The following WWOX variants were observed in gnomAD, a reference collection of about 807,000 sequenced individuals.
WWOX encodes the protein WW domain-containing oxidoreductase.
WWOX carries 69 observed loss-of-function variants against 46.2 expected under a neutral mutation model. That is an observed-to-expected ratio of 1.49 (90% CI 1.23 to 1.82). The LOEUF (loss-of-function observed/expected upper bound fraction) is 1.82. Among genes scored for constraint, WWOX ranks in the 40% most tolerant of loss-of-function variants. The probability of loss-of-function intolerance (pLI) is 0.00; values close to 1 mark genes in which losing one functional copy is unlikely to be tolerated. For missense variants in WWOX, 919 were observed against 542.6 expected, an observed-to-expected ratio of 1.69 and a Z score of -6.89; for synonymous variants, 359 against 202.6, an observed-to-expected ratio of 1.77 and a Z score of -6.56.
chr16:78,462,927 C>G (rs9673617), intron 8 of WWOX, among the ~76,000 whole-genome samples: 5,020 of 152,264 alleles, frequency 0.033, 283 homozygotes, highest in African/African-American at 0.11. Flanking sequence ...TTAGGACATA[C>G]TACAGTAACC....
Position 79,182,312 on chromosome 16 carries a change from T to G in WWOX, c.1057-29296T>G, listed in dbSNP as rs1432283812. On this transcript the variant is annotated intron_variant, in intron 8 of 8. Transcript: ENST00000566780. Reference sequence around the variant, plus strand: ...GCCCCATGATATACCAGCGCCATGTTGTCATCAAAACGACCGGAAATGCCT... The same window carrying G: ...GCCCCATGATATACCAGCGCCATGTGGTCATCAAAACGACCGGAAATGCCT... Among the ~76,000 whole-genome samples, 4 of 152,264 alleles carry G rather than the reference T, an allele frequency of 2.6e-5. No individual in the cohort carries two copies. In the East Asian group the frequency reaches 7.7e-4, roughly 29 times the overall value.
At chr16:78,360,607 A>T (rs1226491694) in intron 5 of WWOX, among the ~76,000 whole-genome samples, 1 of 117,260 alleles carries the variant, frequency 8.5e-6, no homozygotes, top group Non-Finnish European at 2.1e-5. Context: ...AAAGTTGCAG[A>T]AATAGCAATA....
At chr16:79,134,364 T>C (rs1349419495) in intron 8 of WWOX, among the ~76,000 whole-genome samples, 3 of 152,010 alleles carry the variant, frequency 2.0e-5, no homozygotes, top group Non-Finnish European at 2.9e-5. Context: ...AAGTACACTG[T>C]AAGGTTGCAA....
At chr16:78,495,145 C>CTTTTTTTTTTTTTTT (rs71140804) in intron 8 of WWOX, among the ~76,000 whole-genome samples, 15 of 116,584 alleles carry the variant, frequency 1.3e-4, no homozygotes, top group Admixed American at 2.2e-4. Flanking sequence ...CTGTTGTGTT[C>CTTTTTTTTTTTTTTT]TTTTTTTTTT....
chr16:78,529,493 G>A (rs2043566682), intron 8 of WWOX, among the ~76,000 whole-genome samples: 1 of 151,940 alleles, frequency 6.6e-6, no homozygotes, highest in Non-Finnish European at 1.5e-5. Flanking sequence ...TTGAGATGGA[G>A]TCTTGCACTG....
chr16:78,580,303 C>T (rs1159100740), intron 8 of WWOX, among the ~76,000 whole-genome samples: 1 of 151,964 alleles, frequency 6.6e-6, no homozygotes, highest in Admixed American at 6.6e-5. Context: ...CAAACTCCTG[C>T]AGTACAGTAT....
chr16:78,515,127 G>C (rs1159843452), intron 8 of WWOX, among the ~76,000 whole-genome samples: 1 of 152,162 alleles, frequency 6.6e-6, no homozygotes, highest in Non-Finnish European at 1.5e-5. Context: ...AGGAGGCTGA[G>C]GCAGGAGAAT....
Position 78,573,002 on chromosome 16 carries a change from T to G in WWOX, c.1056+140250T>G, listed in dbSNP as rs551054512. On this transcript the variant is annotated intron_variant, in intron 8 of 8. Transcript: ENST00000566780. Reference sequence around the variant, plus strand: ...CTTCCTGTAGTAAAAATTAAAAAAATTATAGCCGGGCACGGTGGCTCACGC... The same window carrying G: ...CTTCCTGTAGTAAAAATTAAAAAAAGTATAGCCGGGCACGGTGGCTCACGC... Among the ~76,000 whole-genome samples the G allele has an allele frequency of 2.0e-5, 3 of 152,256 alleles. No individual in the cohort carries two copies. In the South Asian group the frequency reaches 6.2e-4, roughly 32 times the overall value.
In WWOX at chr16:78,417,733, C is replaced by A. The variant is rs150359270; in HGVS notation, c.606-7137C>A. Among the ~76,000 whole-genome samples the A allele has an allele frequency of 8.1e-3, 1,227 of 152,274 alleles. 13 individuals are homozygous for A. The highest frequency in any genetic ancestry group is 0.015 in the South Asian group (74 of 4,822). On this transcript the variant is annotated intron_variant, in intron 6 of 8. Coordinates refer to ENST00000566780, the MANE Select transcript of WWOX (RefSeq NM_016373.4). Reference sequence around the variant, plus strand: ...TTGAAGCAGAGTCTAATGAGTGTTACAGGTAGGCTCGGTGCTTCAAAGGAT... The same window carrying A: ...TTGAAGCAGAGTCTAATGAGTGTTAAAGGTAGGCTCGGTGCTTCAAAGGAT...
intron 8 of WWOX, among the ~76,000 whole-genome samples, chr16:78,945,682 T>C (rs535467600): frequency 2.6e-5 from 4 of 152,316 alleles, no homozygotes; most frequent in African/African-American, 7.2e-5. Context: ...TCTTTGACTT[T>C]CCTTGTATGC....
chr16:79,061,798 A>G (rs536638179), intron 8 of WWOX, among the ~76,000 whole-genome samples: 1 of 152,322 alleles, frequency 6.6e-6, no homozygotes, highest in East Asian at 1.9e-4. Flanking sequence ...ATATGCCTCT[A>G]TGTCAGGCTC....
intron 8 of WWOX, chr16:78,506,568 C>T (rs890418182): frequency 6.6e-6 from 1 of 152,138 alleles, no homozygotes; most frequent in African/African-American, 2.4e-5. Flanking sequence ...ACAGAATCCC[C>T]TAAGTGGGAA....
At chr16:78,879,845 C>T (rs770633077) in intron 8 of WWOX, among the ~76,000 whole-genome samples, 1 of 150,538 alleles carries the variant, frequency 6.6e-6, no homozygotes, top group African/African-American at 2.5e-5. Context: ...TCATTGTACT[C>T]CAGCCTGGGC....
intron 8 of WWOX, among the ~76,000 whole-genome samples, chr16:78,492,810 AT>A (rs1243278133): frequency 6.6e-6 from 1 of 152,102 alleles, no homozygotes; most frequent in Non-Finnish European, 1.5e-5. Context: ...CTTTTGACAA[AT>A]TTCTGGGGGC....
chr16:78,767,482 C>CTGTG (rs3051061), intron 8 of WWOX, among the ~76,000 whole-genome samples: 2,016 of 143,090 alleles, frequency 0.014, 18 homozygotes, highest in African/African-American at 0.023. Context: ...GTGTGTGTGT[C>CTGTG]TGTGTGTGTG....
chr16:78,454,419 T>A (rs1254963735), intron 8 of WWOX, among the ~76,000 whole-genome samples: 1 of 152,164 alleles, frequency 6.6e-6, no homozygotes, highest in South Asian at 2.1e-4. Context: ...GAAATAAAAG[T>A]TTTACAAAAT....
At chr16:78,766,887 C>G (rs1008132786) in intron 8 of WWOX, among the ~76,000 whole-genome samples, 2 of 152,084 alleles carry the variant, frequency 1.3e-5, no homozygotes, top group South Asian at 4.1e-4. Flanking sequence ...TCAGCATTAC[C>G]TATACCTAAA....
intron 5 of WWOX, among the ~76,000 whole-genome samples, chr16:78,327,653 A>T (rs909646503): frequency 6.6e-6 from 1 of 152,106 alleles, no homozygotes; most frequent in Non-Finnish European, 1.5e-5. Context: ...TTTATTTAAA[A>T]ATTTTTTTAA....
chr16:78,953,763 C>G (rs976494582), intron 8 of WWOX, among the ~76,000 whole-genome samples: 1 of 152,172 alleles, frequency 6.6e-6, no homozygotes, highest in Non-Finnish European at 1.5e-5. Context: ...GTTTCAAAGT[C>G]GAGCCAGACG....
Sources: allele counts gnomAD v4.1 joint callset (sites outside exome capture counted in the v4.1 genomes callset), GRCh38; gene constraint gnomAD v4.1.1; transcripts MANE v1.5; gene names NCBI Gene and HGNC (gene_info 2026-07-23, HGNC 2026-07-21).